DDAH1: variants seen among roughly 807,000 people sequenced by gnomAD.
DDAH1 encodes the protein dimethylarginine dimethylaminohydrolase 1.
Under a neutral mutation model 28.8 loss-of-function variants are expected in DDAH1, and 19 were observed. That is an observed-to-expected ratio of 0.66 (90% confidence interval 0.46 to 0.97). The LOEUF (loss-of-function observed/expected upper bound fraction) is 0.97, where lower values mean the gene tolerates loss of function less well. Ranked by LOEUF, DDAH1 falls within the 50% of genes least tolerant of loss-of-function variation. The probability of loss-of-function intolerance (pLI) is 0.00; values close to 1 mark genes in which losing one functional copy is unlikely to be tolerated. For missense variants in DDAH1, 326 were observed against 375.9 expected (o/e 0.87, Z 1.10); for synonymous variants, 153 against 154.4 (o/e 0.99, Z 0.07).
chr1:85,462,245 G>A (rs1038367847), intron 1 of DDAH1, among the ~76,000 whole-genome samples: 5 of 152,150 alleles, frequency 3.3e-5, no homozygotes, highest in African/African-American at 1.2e-4. Context: ...AACCTCGCTC[G>A]ATCCATGGAT....
At chr1:85,329,807 T>C (rs1192024250) in intron 4 of DDAH1, among the ~76,000 whole-genome samples, 1 of 152,142 alleles carries the variant, frequency 6.6e-6, no homozygotes, top group Non-Finnish European at 1.5e-5. Flanking sequence ...ACAGGCCCCA[T>C]TTGGAGCAGT....
chr1:85,437,949 T>C (rs1178267727), intron 1 of DDAH1, among the ~76,000 whole-genome samples: 1 of 152,168 alleles, frequency 6.6e-6, no homozygotes, highest in African/African-American at 2.4e-5. Flanking sequence ...AATGGTGAAC[T>C]GGATAAAGAA....
At chr1:85,480,519 C>G (rs190578159) in intron 2 of DDAH1, among the ~76,000 whole-genome samples, 1 of 152,178 alleles carries the variant, frequency 6.6e-6, no homozygotes, top group Non-Finnish European at 1.5e-5. Flanking sequence ...CTGAAGCTGG[C>G]GGATCACCTG....
At chr1:85,558,362 AAAAC>A (rs1306273095) in intron 1 of DDAH1, among the ~76,000 whole-genome samples, 8 of 152,336 alleles carry the variant, frequency 5.3e-5, no homozygotes, top group East Asian at 1.9e-4. Context: ...ACTCTGTCAC[AAAAC>A]AAACAAACAA....
At position 85,392,674 on chromosome 1, in the gene DDAH1, T is replaced by G. The variant is rs1427681354; in HGVS notation, c.304-33827A>C. ...TGGGCGTGGTGGCATGTGCCTGTAATCCCAGCTACTCGGGAGGCTGAGGCA... is the reference window on the plus strand; with the variant it reads ...TGGGCGTGGTGGCATGTGCCTGTAAGCCCAGCTACTCGGGAGGCTGAGGCA... On this transcript the variant is annotated intron_variant, in intron 1 of 5. Coordinates refer to ENST00000284031, the MANE Select transcript of DDAH1 (RefSeq NM_012137.4). 2.7e-5 allele frequency among the ~76,000 whole-genome samples: 4 copies of G among 150,790 alleles called. No individual in the cohort carries two copies. In the East Asian group the frequency reaches 7.8e-4, roughly 30 times the overall value.
chr1:85,549,837 T>G (rs978044797), intron 1 of DDAH1, among the ~76,000 whole-genome samples: 5 of 152,230 alleles, frequency 3.3e-5, no homozygotes, highest in African/African-American at 1.2e-4. Context: ...TCTTCCCACC[T>G]TGGAAGAGTG....
intron 1 of DDAH1, among the ~76,000 whole-genome samples, chr1:85,395,091 T>C (rs755227428): frequency 7.2e-5 from 11 of 152,134 alleles, no homozygotes; most frequent in Non-Finnish European, 1.3e-4. Flanking sequence ...AAAAAAATTA[T>C]AAAAAGTCAT....
intron 1 of DDAH1, among the ~76,000 whole-genome samples, chr1:85,502,227 A>G (rs551244949): frequency 3.9e-5 from 6 of 152,194 alleles, no homozygotes; most frequent in Non-Finnish European, 8.8e-5. Flanking sequence ...TCTTCCTCAG[A>G]GCTTAACACA....
chr1:85,557,318 A>G (rs1385839524), intron 1 of DDAH1, among the ~76,000 whole-genome samples: 1 of 152,214 alleles, frequency 6.6e-6, no homozygotes, highest in Non-Finnish European at 1.5e-5. Context: ...TTTATTGAGC[A>G]CTTAGTGTAT....
chr1:85,467,644 TA>T (rs1557665210), upstream of DDAH1: 1 of 152,188 alleles, frequency 6.6e-6, no homozygotes, highest in Non-Finnish European at 1.5e-5. Flanking sequence ...AAAAGAATAA[TA>T]AAAATACCAA....
intron 1 of DDAH1, among the ~76,000 whole-genome samples, chr1:85,398,241 A>C (rs1251007857): frequency 1.3e-5 from 2 of 152,188 alleles, no homozygotes; most frequent in African/African-American, 4.8e-5. Flanking sequence ...CCAGCAAATC[A>C]AATTTAAAAA....
chr1:85,548,473 A>G (rs949082025), intron 1 of DDAH1, among the ~76,000 whole-genome samples: 5 of 152,192 alleles, frequency 3.3e-5, no homozygotes, highest in Admixed American at 3.3e-4. Flanking sequence ...ATTTTCATCC[A>G]TGTACACATG....
Position 85,428,628 on chromosome 1 carries a change from T to C in DDAH1, c.303+36115A>G, listed in dbSNP as rs376172487. On this transcript the variant is annotated intron_variant, in intron 1 of 5. Coordinates refer to ENST00000284031, the MANE Select transcript of DDAH1 (RefSeq NM_012137.4). ...GTTGTTGCCAAGGTCAGAGAACTGATATCTGAGAAGGCAGTGGAAATGGTC... is the reference window on the plus strand; with the variant it reads ...GTTGTTGCCAAGGTCAGAGAACTGACATCTGAGAAGGCAGTGGAAATGGTC... Among the ~76,000 whole-genome samples, 7 of 152,154 alleles carry C rather than the reference T, an allele frequency of 4.6e-5. No homozygotes were observed. The South Asian group carries it at 1.5e-3, about 32-fold the overall frequency.
At chr1:85,546,282 T>C (rs956440699) in intron 1 of DDAH1, among the ~76,000 whole-genome samples, 1 of 152,174 alleles carries the variant, frequency 6.6e-6, no homozygotes, top group East Asian at 1.9e-4. Context: ...GTGGGTTCCT[T>C]ATAAAAGGAC....
In DDAH1 at chr1:85,319,243, T is replaced by C. The variant is rs1386909566; in HGVS notation, c.*2209A>G. The stretch of plus-strand genomic sequence containing the variant: ...GGTAACATAGCAGAGCAGAATGCAA[T>C]GTAGAAGAGGCACACAGAGTCTAAG... On this transcript the variant is annotated 3_prime_UTR_variant, in exon 6 of 6. Transcript: ENST00000284031. 2.0e-5 allele frequency: 3 copies of C among 152,008 alleles called. No individual in the cohort carries two copies. Among genetic ancestry groups the C allele is most frequent in the Non-Finnish European group, 2.9e-5 (2 of 68,010 alleles). 9.4% of individuals were successfully genotyped at this position (152,008 alleles called of 1,614,324 possible). A position where few individuals can be genotyped will look rare whatever the true frequency, so the allele number is the denominator to read the frequency against.
At chr1:85,350,348 G>C (rs1370860503) in intron 4 of DDAH1, 67 bp downstream of exon 4, 4 of 1,571,728 alleles carry the variant, frequency 2.5e-6, no homozygotes, top group Admixed American at 1.8e-5. Flanking sequence ...CCCCAGCAGA[G>C]AGAATGTGAA....
At chr1:85,352,614 C>A in intron 2 of DDAH1, among the ~76,000 whole-genome samples, 1 of 151,950 alleles carries the variant, frequency 6.6e-6, no homozygotes, top group East Asian at 1.9e-4. Context: ...CAGTAATTGG[C>A]CAAAAATTGG....
intron 1 of DDAH1, chr1:85,576,831 G>A (rs1659621292): frequency 6.5e-6 from 1 of 152,718 alleles, no homozygotes; most frequent in African/African-American, 2.4e-5. Context: ...CAAACTGCCC[G>A]GGTCTACCCC....
intron 4 of DDAH1, among the ~76,000 whole-genome samples, chr1:85,349,000 T>C (rs557039769): frequency 3.3e-4 from 50 of 152,146 alleles, no homozygotes; most frequent in Non-Finnish European, 6.8e-4. Flanking sequence ...ATCTCAGACA[T>C]ATGCAGACCA....
Sources: allele counts gnomAD v4.1 joint callset (sites outside exome capture counted in the v4.1 genomes callset), GRCh38; gene constraint gnomAD v4.1.1; transcripts MANE v1.5; gene names NCBI Gene and HGNC (gene_info 2026-07-23, HGNC 2026-07-21).